Variants in NYX observed in about 807,000 individuals in gnomAD.
NYX encodes the protein leucine-rich repeat protein.
For missense variants in NYX, 481 were observed against 485.4 expected (o/e 0.99, Z 0.09); for synonymous variants, 258 against 245.7 (o/e 1.05, Z -0.47).
chrX:41,467,685 T>C (rs1479722564), intron 2 of NYX, among the ~76,000 whole-genome samples: 1 of 110,864 alleles, frequency 9.0e-6, no homozygotes, highest in Non-Finnish European at 1.9e-5. Context: ...GAGGACAAGG[T>C]CTTGCTCTGT....
intron 2 of NYX, among the ~76,000 whole-genome samples, chrX:41,456,316 A>G (rs891296686): frequency 9.0e-6 from 1 of 111,639 alleles, no homozygotes; most frequent in East Asian, 2.8e-4. Flanking sequence ...GTGGTTCTTC[A>G]GGAAAAGGAG....
At chrX:41,455,187 C>T (rs1469244719) in intron 2 of NYX, among the ~76,000 whole-genome samples, 1 of 109,540 alleles carries the variant, frequency 9.1e-6, no homozygotes, top group Non-Finnish European at 1.9e-5. Flanking sequence ...CTCACTACAA[C>T]CTCCGCCTCC....
intron 2 of NYX, among the ~76,000 whole-genome samples, chrX:41,454,474 G>A (rs2064292489): frequency 9.0e-6 from 1 of 110,942 alleles, no homozygotes; most frequent in South Asian, 3.8e-4. Context: ...CACCATGCCT[G>A]AATAATTTTT....
At chrX:41,461,986 G>A (rs1258162218) in intron 2 of NYX, among the ~76,000 whole-genome samples, 3 of 110,478 alleles carry the variant, frequency 2.7e-5, no homozygotes, top group Non-Finnish European at 5.7e-5. Context: ...ATTTTTAGTA[G>A]AGACGGGGTT....
chrX:41,457,503 G>A (rs1236777443), intron 2 of NYX, among the ~76,000 whole-genome samples: 1 of 109,896 alleles, frequency 9.1e-6, no homozygotes, highest in Non-Finnish European at 1.9e-5. Flanking sequence ...CGAGTCTACG[G>A]TAGTGTGTTA....
chrX:41,449,797 C>A (rs2064272250), intron 2 of NYX, among the ~76,000 whole-genome samples: 1 of 111,752 alleles, frequency 8.9e-6, no homozygotes, highest in Non-Finnish European at 1.9e-5. Flanking sequence ...GCGGTGACAT[C>A]ATTTGCTAAC....
chrX:41,473,570 C>G lies in NYX; in HGVS notation c.102C>G (p.Thr34=), dbSNP rs1028104555. The change falls in exon 3 of 3, where the codon ACC becomes ACG. Residue 34 remains threonine (T), a synonymous_variant. Coordinates refer to ENST00000378220, the MANE Select transcript of NYX (RefSeq NM_001378477.3). ...GTCCCGCCGCCTGCGCCTGCAGCAC[C>G]GTGGAGCGCGGCTGCTCGGTGCGCT... ...RACPAACACS[T]VERGCSVRCD... is the part of the protein sequence containing the mutation. 3.0e-6 allele frequency: 3 copies of G among 1,011,059 alleles called. No individual in the cohort carries two copies. The highest frequency in any genetic ancestry group is 2.5e-6 in the Non-Finnish European group (2 of 798,233). 83.3% of individuals were successfully genotyped at this position (1,011,059 alleles called of 1,213,427 possible). A position where few individuals can be genotyped will look rare whatever the true frequency, so the allele number is the denominator to read the frequency against.
rs1194790046 is a variant in NYX, at chrX:41,474,146, C to T, written c.678C>T (p.Val226=). 4 of 1,143,681 alleles carry T rather than the reference C, an allele frequency of 3.5e-6. No individual in the cohort carries two copies. Among genetic ancestry groups the T allele is most frequent in the South Asian group, 2.0e-5 (1 of 50,991 alleles). The allele number at this position is 1,143,681 out of a possible 1,213,427, so 94.3% of individuals were successfully genotyped here. A position where few individuals can be genotyped will look rare whatever the true frequency, so the allele number is the denominator to read the frequency against. ...VHAGAFGDCG[V]LEHLLLNDNL... is the part of the protein sequence containing the mutation. ...CTGGCGCCTTCGGGGACTGTGGCGT[C>T]CTGGAGCATCTGCTGCTCAACGACA... Residue 226 remains valine, a synonymous_variant, in exon 3 of 3, where the codon GTC becomes GTT. Coordinates refer to ENST00000378220, the MANE Select transcript of NYX (RefSeq NM_001378477.3).
At chrX:41,461,382 C>CATATATATAT (rs60185443) in intron 2 of NYX, among the ~76,000 whole-genome samples, 25 of 101,540 alleles carry the variant, frequency 2.5e-4, no homozygotes, top group African/African-American at 8.4e-4. Flanking sequence ...AATATTCCGT[C>CATATATATAT]ATATATATAT....
In NYX at chrX:41,473,838, C is replaced by T. The variant is rs745419686; in HGVS notation, c.370C>T (p.Arg124Cys). ...CGGCGACCTGCGCTACCTGCACGCG[C>T]GCACCTTCGCGGCGCTCAGCCGCCT... is the stretch of plus-strand genomic sequence containing the variant. ...HNGDLRYLHA[R>C]TFAALSRLRR... Residue 124 changes from arginine to cysteine, a missense_variant, in exon 3 of 3, where the codon CGC (arginine) becomes TGC (cysteine). Physicochemically the swap from Arg to Cys is radical, Grantham distance 180. Transcript: ENST00000378220. The T allele has an allele frequency of 2.7e-5, 30 of 1,103,947 alleles. No individual in the cohort carries two copies. The South Asian group carries it at 5.8e-4, about 21-fold the overall frequency. The allele number at this position is 1,103,947 out of a possible 1,213,427, so 91.0% of individuals were successfully genotyped here.
intron 2 of NYX, among the ~76,000 whole-genome samples, chrX:41,459,848 A>G (rs1223816073): frequency 5.8e-5 from 6 of 104,197 alleles, no homozygotes; most frequent in Non-Finnish European, 1.2e-4. Flanking sequence ...ACACTCTTCT[A>G]TAGTCTTTTT....
chrX:41,455,197 C>T (rs1375797326), intron 2 of NYX, among the ~76,000 whole-genome samples: 1 of 110,019 alleles, frequency 9.1e-6, no homozygotes, highest in African/African-American at 3.3e-5. Flanking sequence ...CCTCCGCCTC[C>T]TGGATTCAAG....
intron 2 of NYX, among the ~76,000 whole-genome samples, chrX:41,455,910 C>T (rs1291553304): frequency 9.0e-6 from 1 of 111,718 alleles, no homozygotes; most frequent in Non-Finnish European, 1.9e-5. Flanking sequence ...CATTTGGATT[C>T]AGCAAAACCA....
In NYX at chrX:41,453,773, C is replaced by A. The variant is rs184117172; in HGVS notation, c.22+5847C>A. Among the ~76,000 whole-genome samples the A allele has an allele frequency of 4.4e-5, 5 of 112,445 alleles. No homozygotes were observed. In the Admixed American group the frequency reaches 4.7e-4, roughly 11 times the overall value. On this transcript the variant is annotated intron_variant, in intron 2 of 2. Coordinates refer to ENST00000378220, the MANE Select transcript of NYX (RefSeq NM_001378477.3). The stretch of plus-strand genomic sequence containing the variant: ...GCCAGGCCTTCATTCCTTTTTAAGG[C>A]CAAATAATATTCCGTTGTATAGTTA...
intron 2 of NYX, among the ~76,000 whole-genome samples, chrX:41,469,794 G>A (rs1372355950): frequency 1.8e-5 from 2 of 110,949 alleles, no homozygotes; most frequent in East Asian, 5.6e-4. Context: ...TGATCCACCC[G>A]CCTCTGCCTC....
In NYX at chrX:41,448,521, C is replaced by T. The variant is rs1405438291; in HGVS notation, c.22+595C>T. Among the ~76,000 whole-genome samples, 3 of 108,058 alleles carry T rather than the reference C, an allele frequency of 2.8e-5. No individual in the cohort carries two copies. The Admixed American group carries it at 3.0e-4, about 11-fold the overall frequency. 93.8% of individuals were successfully genotyped at this position (108,058 alleles called of 115,157 possible). Reference sequence around the variant, plus strand: ...CCTCCCAAAGTGCTGGGATTACAGGCGTGAGCCACCGTACGGTGGTTTTTT... The same window carrying T: ...CCTCCCAAAGTGCTGGGATTACAGGTGTGAGCCACCGTACGGTGGTTTTTT... On this transcript the variant is annotated intron_variant, in intron 2 of 2. Coordinates refer to ENST00000378220, the MANE Select transcript of NYX (RefSeq NM_001378477.3).
chrX:41,448,929 C>A (rs1354918952), intron 2 of NYX, among the ~76,000 whole-genome samples: 1 of 111,180 alleles, frequency 9.0e-6, no homozygotes, highest in African/African-American at 3.3e-5. Context: ...AAAAAACCAC[C>A]TTCCTAAAGG....
At chrX:41,452,718 G>A (rs1489998127) in intron 2 of NYX, among the ~76,000 whole-genome samples, 1 of 111,035 alleles carries the variant, frequency 9.0e-6, no homozygotes, top group Non-Finnish European at 1.9e-5. Context: ...AGGCCTGCGA[G>A]GCTACCAGCA....
chrX:41,459,623 A>G (rs924507936), intron 2 of NYX, among the ~76,000 whole-genome samples: 9 of 61,776 alleles, frequency 1.5e-4, no homozygotes, highest in African/African-American at 3.6e-4. Context: ...TGTCTTGGGG[A>G]AAAAAAAAGA....
Sources: gnomAD v4.1 joint callset for allele counts (sites outside exome capture counted in the v4.1 genomes callset) on GRCh38, gnomAD v4.1.1 for gene constraint, MANE v1.5 for transcripts, NCBI Gene and HGNC (gene_info 2026-07-23, HGNC 2026-07-21) for gene names.